The following PPP2R3A variants were observed in gnomAD, a reference collection of about 807,000 sequenced individuals.
PPP2R3A encodes serine/threonine-protein phosphatase 2A regulatory subunit B'' subunit alpha.
A neutral mutation model predicts 106.9 loss-of-function variants in PPP2R3A; 80 were observed. The ratio of observed to expected loss-of-function variants is 0.75; its 90% confidence interval spans 0.62 to 0.90. PPP2R3A has a LOEUF of 0.90. Among genes scored for constraint, PPP2R3A ranks in the 40% least tolerant of loss-of-function variants. The pLI is 0.00. For synonymous variants in PPP2R3A, 483 were observed against 468.3 expected, an observed-to-expected ratio of 1.03 and a Z score of -0.41; for missense variants, 1,386 against 1,350.4, an observed-to-expected ratio of 1.03 and a Z score of -0.41.
At chr3:136,099,875 G>T (rs574558930) in intron 10 of PPP2R3A, among the ~76,000 whole-genome samples, 1 of 150,134 alleles carries the variant, frequency 6.7e-6, no homozygotes, top group Non-Finnish European at 1.5e-5. Flanking sequence ...GCGGCTAGTA[G>T]CTATACCATT....
intron 13 of PPP2R3A, among the ~76,000 whole-genome samples, chr3:136,135,235 T>C (rs1398271240): frequency 6.6e-6 from 1 of 152,108 alleles, no homozygotes; most frequent in African/African-American, 2.4e-5. Context: ...GATACCCCAC[T>C]TCTGTTGTGG....
intron 4 of PPP2R3A, among the ~76,000 whole-genome samples, chr3:136,046,900 C>T (rs1283271975): frequency 1.3e-5 from 2 of 152,104 alleles, no homozygotes; most frequent in East Asian, 3.9e-4. Context: ...TAAGAAAGAA[C>T]CAAACTGAAC....
intron 1 of PPP2R3A, among the ~76,000 whole-genome samples, chr3:136,000,733 G>A (rs1933592162): frequency 6.6e-6 from 1 of 152,162 alleles, no homozygotes; most frequent in Non-Finnish European, 1.5e-5. Context: ...GATCCATGAG[G>A]AAATCAGAAG....
intron 1 of PPP2R3A, among the ~76,000 whole-genome samples, chr3:135,989,704 T>C (rs1019813074): frequency 8.5e-5 from 13 of 152,144 alleles, no homozygotes; most frequent in African/African-American, 3.1e-4. Context: ...TTCTGTACCT[T>C]ACTTACCATA....
intron 10 of PPP2R3A, among the ~76,000 whole-genome samples, chr3:136,098,349 C>G (rs1225815410): frequency 6.6e-6 from 1 of 152,214 alleles, no homozygotes; most frequent in Non-Finnish European, 1.5e-5. Flanking sequence ...TCAAGTATTA[C>G]ATGTTCAATT....
At chr3:136,041,336 C>A (rs1935280787) in intron 4 of PPP2R3A, among the ~76,000 whole-genome samples, 1 of 137,762 alleles carries the variant, frequency 7.3e-6, no homozygotes, top group Non-Finnish European at 1.5e-5. Context: ...TAGCTCACTG[C>A]AGCCCCAAAC....
In PPP2R3A at chr3:136,027,015, C is replaced by G; in HGVS notation, c.2179C>G (p.Gln727Glu). 3 of 1,612,538 alleles carry G rather than the reference C, an allele frequency of 1.9e-6. No individual in the cohort carries two copies. In the South Asian group the frequency reaches 3.3e-5, roughly 18 times the overall value. The change falls in exon 3 of 14, where the codon CAA becomes GAA. Residue 727 changes from glutamine (Q) to glutamate (E), a missense_variant. Transcript: ENST00000264977. ...CCCAGATACCTGTAGTAATCATGAACAAACTCTAAGCAGAATTGAAACTGC... is the reference window on the plus strand; with the variant it reads ...CCCAGATACCTGTAGTAATCATGAAGAAACTCTAAGCAGAATTGAAACTGC... The part of the protein sequence containing the change: ...GLPDTCSNHE[Q>E]TLSRIETAFM...
chr3:136,021,636 A>G (rs1934469354), intron 2 of PPP2R3A, among the ~76,000 whole-genome samples: 1 of 152,124 alleles, frequency 6.6e-6, no homozygotes, highest in Admixed American at 6.6e-5. Context: ...TGTTTGGTGT[A>G]TATTTTCTAG....
intron 13 of PPP2R3A, among the ~76,000 whole-genome samples, chr3:136,117,564 A>G (rs1470761802): frequency 6.6e-6 from 1 of 152,250 alleles, no homozygotes; most frequent in African/African-American, 2.4e-5. Flanking sequence ...CCGATCCCAC[A>G]GAAATACAAA....
At chr3:136,124,373 C>A (rs1938107446) in intron 13 of PPP2R3A, among the ~76,000 whole-genome samples, 2 of 151,950 alleles carry the variant, frequency 1.3e-5, no homozygotes, top group Admixed American at 1.3e-4. Context: ...GTTCTAGCTG[C>A]CTGAGAGGCT....
At chr3:136,077,745 T>C (rs1936644020) in intron 6 of PPP2R3A, among the ~76,000 whole-genome samples, 1 of 152,062 alleles carries the variant, frequency 6.6e-6, no homozygotes, top group African/African-American at 2.4e-5. Flanking sequence ...TATCTCCTCT[T>C]CTCCCATTCT....
At chr3:136,080,265 A>G (rs1936739596) in intron 7 of PPP2R3A, among the ~76,000 whole-genome samples, 1 of 152,216 alleles carries the variant, frequency 6.6e-6, no homozygotes, top group Admixed American at 6.5e-5. Context: ...GTAATTAATT[A>G]CATATTCCTC....
chr3:136,096,281 T>C (rs1015801400), intron 10 of PPP2R3A, among the ~76,000 whole-genome samples: 4 of 152,204 alleles, frequency 2.6e-5, no homozygotes, highest in African/African-American at 7.2e-5. Context: ...GGCACCACTT[T>C]GCAGAAATGG....
At chr3:136,136,045 C>CAAAAAAAA (rs34558229) in intron 13 of PPP2R3A, among the ~76,000 whole-genome samples, 5 of 22,372 alleles carry the variant, frequency 2.2e-4, no homozygotes, top group Non-Finnish European at 3.2e-4. Context: ...GACTCCGTCT[C>CAAAAAAAA]AAAAAAAAAA....
chr3:136,097,895 C>T (rs1937252999), intron 10 of PPP2R3A, among the ~76,000 whole-genome samples: 1 of 152,154 alleles, frequency 6.6e-6, no homozygotes, highest in South Asian at 2.1e-4. Context: ...AGATGTAACT[C>T]TTCAAGGTTT....
intron 3 of PPP2R3A, 98 bp downstream of exon 3, chr3:136,027,196 C>T: frequency 3.6e-6 from 4 of 1,107,580 alleles, no homozygotes; most frequent in Non-Finnish European, 5.0e-6. Context: ...CCTTCACTGC[C>T]TCTTTGCTCT....
intron 5 of PPP2R3A, among the ~76,000 whole-genome samples, chr3:136,063,265 A>G (rs1198288587): frequency 6.6e-6 from 1 of 152,216 alleles, no homozygotes; most frequent in Non-Finnish European, 1.5e-5. Flanking sequence ...TATACCAAAA[A>G]TTAATTCAAG....
intron 8 of PPP2R3A, among the ~76,000 whole-genome samples, chr3:136,083,722 A>T (rs960222584): frequency 1.3e-5 from 2 of 152,188 alleles, no homozygotes; most frequent in African/African-American, 4.8e-5. Flanking sequence ...CTTCCTAGAG[A>T]CTTGAATGGC....
chr3:136,096,253 AT>A (rs1937213816), intron 10 of PPP2R3A, among the ~76,000 whole-genome samples: 2 of 152,220 alleles, frequency 1.3e-5, no homozygotes, highest in Non-Finnish European at 2.9e-5. Flanking sequence ...TCAAACTCTT[AT>A]TTAAGAAAAT....
Sources: gnomAD v4.1 joint callset for allele counts (sites outside exome capture counted in the v4.1 genomes callset) on GRCh38, gnomAD v4.1.1 for gene constraint, MANE v1.5 for transcripts, NCBI Gene and HGNC (gene_info 2026-07-23, HGNC 2026-07-21) for gene names.